SLC24A2: variants seen among roughly 807,000 people sequenced by gnomAD.
The protein encoded by SLC24A2 is solute carrier family 24 member 2.
Under a neutral mutation model 62.0 loss-of-function variants are expected in SLC24A2, and 36 were observed. That is an observed-to-expected ratio of 0.58 (90% CI 0.44 to 0.77). The LOEUF is 0.77. SLC24A2 is among the 30% of genes least tolerant of loss of function. SLC24A2 has a pLI of 0.00. For missense variants in SLC24A2, 846 were observed against 817.9 expected, an observed-to-expected ratio of 1.03 and a Z score of -0.42; for synonymous variants, 358 against 294.0, an observed-to-expected ratio of 1.22 and a Z score of -2.23.
At chr9:19,891,743 C>T in the SLC24A2 span, among the ~76,000 whole-genome samples, 8 of 152,050 alleles carry the variant, frequency 5.3e-5, no homozygotes, top group Non-Finnish European at 1.5e-5. Context: ...GAGATCCTGT[C>T]TCTAAAAAAA....
intron 6 of SLC24A2, among the ~76,000 whole-genome samples, chr9:19,576,118 G>A (rs1586986108): frequency 6.6e-6 from 1 of 152,178 alleles, no homozygotes; most frequent in East Asian, 1.9e-4. Context: ...TGGGATAACA[G>A]GAAAGGCAGA....
At chr9:20,307,815 C>G in the SLC24A2 span, among the ~76,000 whole-genome samples, 3 of 152,146 alleles carry the variant, frequency 2.0e-5, no homozygotes, top group Non-Finnish European at 4.4e-5. Context: ...GGATAACATC[C>G]GCTTCTCCCA....
At chr9:19,517,541 C>T (rs1229642091) in intron 10 of SLC24A2, among the ~76,000 whole-genome samples, 5 of 152,166 alleles carry the variant, frequency 3.3e-5, no homozygotes, top group Admixed American at 2.6e-4. Context: ...TTTGAAATTC[C>T]AGGCCTGGTA....
chr9:19,660,066 G>A (rs577709637), intron 2 of SLC24A2, among the ~76,000 whole-genome samples: 156 of 152,284 alleles, frequency 1.0e-3, no homozygotes, highest in Middle Eastern at 0.01. Context: ...GAAAGCAAAC[G>A]GATGAAAGAT....
At chr9:20,009,671 A>G in the SLC24A2 span, among the ~76,000 whole-genome samples, 1 of 152,168 alleles carries the variant, frequency 6.6e-6, no homozygotes, top group Admixed American at 6.5e-5. Flanking sequence ...TCCCTGTCCA[A>G]TGCTAGTAGT....
intron 2 of SLC24A2, among the ~76,000 whole-genome samples, chr9:19,684,370 C>G (rs1258565588): frequency 2.6e-4 from 40 of 152,056 alleles, no homozygotes; most frequent in Admixed American, 2.6e-3. Context: ...AGCAAACTTC[C>G]ATTCAGGACT....
intron 2 of SLC24A2, among the ~76,000 whole-genome samples, chr9:19,647,466 G>T (rs937596212): frequency 6.6e-6 from 1 of 152,192 alleles, no homozygotes; most frequent in Non-Finnish European, 1.5e-5. Flanking sequence ...GGACATCCAT[G>T]GCTATGTTTT....
At chr9:19,874,618 G>C in the SLC24A2 span, among the ~76,000 whole-genome samples, 1 of 152,114 alleles carries the variant, frequency 6.6e-6, no homozygotes, top group Non-Finnish European at 1.5e-5. Flanking sequence ...TGTTTAGAAA[G>C]GTCTGTGGCA....
the SLC24A2 span, among the ~76,000 whole-genome samples, chr9:20,087,158 G>A: frequency 6.6e-6 from 1 of 152,164 alleles, no homozygotes; most frequent in Admixed American, 6.5e-5. Context: ...GGAAGTTAGA[G>A]ACAGACATTA....
chr9:19,983,663 T>C, the SLC24A2 span, among the ~76,000 whole-genome samples: 3 of 152,014 alleles, frequency 2.0e-5, no homozygotes, highest in Non-Finnish European at 4.4e-5. Flanking sequence ...AAAAAAATGT[T>C]TTATTTTTTC....
At chr9:20,060,150 T>G in the SLC24A2 span, among the ~76,000 whole-genome samples, 1 of 151,986 alleles carries the variant, frequency 6.6e-6, no homozygotes, top group Non-Finnish European at 1.5e-5. Context: ...AGAAACTGAA[T>G]TAGTAATAAA....
At chr9:20,088,318 C>T in the SLC24A2 span, among the ~76,000 whole-genome samples, 1 of 152,204 alleles carries the variant, frequency 6.6e-6, no homozygotes, top group South Asian at 2.1e-4. Context: ...GAGGGGCAGG[C>T]TGCCGGCTTT....
chr9:20,296,643 C>T, the SLC24A2 span, among the ~76,000 whole-genome samples: 64 of 152,334 alleles, frequency 4.2e-4, no homozygotes, highest in Non-Finnish European at 8.1e-4. Context: ...CCCAATTCTT[C>T]GGGTGACTGC....
the SLC24A2 span, among the ~76,000 whole-genome samples, chr9:19,836,771 AC>A: frequency 6.6e-6 from 1 of 152,156 alleles, no homozygotes; most frequent in African/African-American, 2.4e-5. Flanking sequence ...CAGAGACACA[AC>A]CAAAAAAGAG....
At chr9:20,142,210 G>T in the SLC24A2 span, among the ~76,000 whole-genome samples, 1 of 152,112 alleles carries the variant, frequency 6.6e-6, no homozygotes, top group Non-Finnish European at 1.5e-5. Flanking sequence ...GAAGAGTTCT[G>T]CAGGAAAGAA....
intron 2 of SLC24A2, among the ~76,000 whole-genome samples, chr9:19,706,542 G>C (rs965342798): frequency 1.1e-4 from 17 of 151,960 alleles, no homozygotes; most frequent in African/African-American, 3.1e-4. Context: ...ACCATGCCCG[G>C]CTAATTTTTG....
chr9:19,770,497 C>T (rs944520672), intron 2 of SLC24A2, among the ~76,000 whole-genome samples: 2 of 152,108 alleles, frequency 1.3e-5, no homozygotes, highest in African/African-American at 4.8e-5. Context: ...CTACTTGTCA[C>T]AGTCTCTTCA....
chr9:20,287,547 G>C, the SLC24A2 span, among the ~76,000 whole-genome samples: 1 of 152,222 alleles, frequency 6.6e-6, no homozygotes, highest in Non-Finnish European at 1.5e-5. Flanking sequence ...GACAGAGCAA[G>C]TATAGACTTT....
the SLC24A2 span, chr9:19,895,728 G>A: frequency 1.3e-5 from 17 of 1,347,580 alleles, no homozygotes; most frequent in African/African-American, 4.3e-5. Context: ...CCTGGTGGTC[G>A]AGGCTGGAGT....
Sources: gnomAD v4.1 joint callset for allele counts (sites outside exome capture counted in the v4.1 genomes callset) on GRCh38, gnomAD v4.1.1 for gene constraint, MANE v1.5 for transcripts, NCBI Gene and HGNC (gene_info 2026-07-23, HGNC 2026-07-21) for gene names.